The following DOCK10 variants were observed in gnomAD, a reference collection of about 807,000 sequenced individuals.
DOCK10 encodes the protein dedicator of cytokinesis 10.
DOCK10 carries 145 observed loss-of-function variants against 280.1 expected under a neutral mutation model. The observed-to-expected ratio is 0.52, with a 90% confidence interval of 0.45 to 0.59. DOCK10 has a LOEUF of 0.59. Among genes scored for constraint, DOCK10 ranks in the 20% least tolerant of loss-of-function variants. The probability of loss-of-function intolerance (pLI) is 0.00; values close to 1 mark genes in which losing one functional copy is unlikely to be tolerated. For synonymous variants in DOCK10, 915 were observed against 942.2 expected, an observed-to-expected ratio of 0.97 and a Z score of 0.53; for missense variants, 2,368 against 2,651.7, an observed-to-expected ratio of 0.89 and a Z score of 2.35.
At chr2:224,945,287 CT>C (rs945162389) in intron 1 of DOCK10, among the ~76,000 whole-genome samples, 2 of 152,132 alleles carry the variant, frequency 1.3e-5, no homozygotes, top group Non-Finnish European at 2.9e-5. Context: ...TGACAAGGCT[CT>C]TTTGGAGTCA....
rs1699288759 is a variant in DOCK10 at position 224,886,448 on chromosome 2, T to G, written c.489+11A>C. ...ATGTTTTAAACATCTCACTTTCAAC[T>G]ATTTACTTACTTCATCCTTATCAGC... On this transcript the variant is annotated intron_variant, in intron 5 of 55. Coordinates refer to ENST00000258390, the MANE Select transcript of DOCK10 (RefSeq NM_014689.3). 6.2e-7 allele frequency: 1 copy of G among 1,604,022 alleles called. No homozygotes were observed. Among genetic ancestry groups the G allele is most frequent in the Non-Finnish European group, 8.5e-7 (1 of 1,172,994 alleles).
chr2:224,877,482 T>G (rs1698707437), intron 7 of DOCK10, among the ~76,000 whole-genome samples: 1 of 118,434 alleles, frequency 8.4e-6, no homozygotes, highest in African/African-American at 3.5e-5. Context: ...GTTCCTATTC[T>G]ATTGGAATAG....
intron 4 of DOCK10, among the ~76,000 whole-genome samples, chr2:224,892,712 G>T (rs1559681466): frequency 6.6e-6 from 1 of 152,172 alleles, no homozygotes; most frequent in African/African-American, 2.4e-5. Context: ...CAGGAGGGAG[G>T]GCTGCGGGAG....
At chr2:225,019,168 A>G (rs1362956384) in intron 1 of DOCK10, among the ~76,000 whole-genome samples, 1 of 152,102 alleles carries the variant, frequency 6.6e-6, no homozygotes, top group Admixed American at 6.6e-5. Flanking sequence ...GTGGAGACCA[A>G]TCATCTAGCA....
intron 18 of DOCK10, among the ~76,000 whole-genome samples, chr2:224,850,637 C>T (rs193165054): frequency 3.5e-4 from 54 of 152,220 alleles, no homozygotes; most frequent in African/African-American, 1.1e-3. Flanking sequence ...TCTCCCCACC[C>T]GAATCTCATC....
In DOCK10 at chr2:224,786,869, AT is replaced by A. The variant is rs1403776978; in HGVS notation, c.5655+152del. ...TTTGTACATTCCTATGGATAAACAT[AT>A]AGACCATCACATCCAGAGAAACACT... On this transcript the variant is annotated intron_variant, in intron 50 of 55. Coordinates refer to ENST00000258390, the MANE Select transcript of DOCK10 (RefSeq NM_014689.3). This position sits in a 1 kb window ranked among gnomAD's most constrained non-coding sequence, Gnocchi z 4.7. Among the ~76,000 whole-genome samples, 1 of 152,200 alleles carries A rather than the reference AT, an allele frequency of 6.6e-6. No homozygotes were observed. The highest frequency in any genetic ancestry group is 6.5e-5 in the Admixed American group (1 of 15,284).
At chr2:224,852,285 C>T (rs1696796267) in intron 18 of DOCK10, 92 bp downstream of exon 18, 1 of 938,294 alleles carries the variant, frequency 1.1e-6, no homozygotes, top group African/African-American at 1.7e-5. Flanking sequence ...GCTCTTTCAA[C>T]CACACTCACA....
At chr2:225,035,730 A>G (rs1690242886) in intron 1 of DOCK10, among the ~76,000 whole-genome samples, 1 of 150,998 alleles carries the variant, frequency 6.6e-6, no homozygotes, top group African/African-American at 2.4e-5. Context: ...CTTTAACAAC[A>G]GACATTTATT....
chr2:224,956,891 C>T (rs1442063615), intron 1 of DOCK10, among the ~76,000 whole-genome samples: 1 of 152,216 alleles, frequency 6.6e-6, no homozygotes, highest in Admixed American at 6.5e-5. Context: ...AGCTGGATCA[C>T]ACCGCATGTT....
intron 2 of DOCK10, among the ~76,000 whole-genome samples, chr2:224,927,902 A>C (rs76636268): frequency 0.014 from 2,202 of 152,214 alleles, 49 homozygotes; most frequent in African/African-American, 0.05. Flanking sequence ...AACTGGATGA[A>C]AGACATTTAG....
intron 33 of DOCK10, 100 bp from the exon 34 acceptor site, chr2:224,806,337 T>A: frequency 1.6e-6 from 1 of 626,010 alleles, no homozygotes; most frequent in Non-Finnish European, 2.6e-6. Context: ...AAGTGATATT[T>A]AATTTGTTCT....
rs1038969278 is a variant in DOCK10 at position 224,804,919 on chromosome 2, A to C, written c.4119-78T>G. 3 of 1,275,122 alleles carry C rather than the reference A, an allele frequency of 2.4e-6. No individual in the cohort carries two copies. In the African/African-American group the frequency reaches 4.6e-5, roughly 20 times the overall value. 79.0% of individuals were successfully genotyped at this position (1,275,122 alleles called of 1,614,324 possible). On this transcript the variant is annotated intron_variant, in intron 37 of 55. Transcript: ENST00000258390. ...AAACTGTTCATCTAAGTATATTGAAAGAAAAATATTAAATTTTCTTTAAAT... is the reference window on the plus strand; with the variant it reads ...AAACTGTTCATCTAAGTATATTGAACGAAAAATATTAAATTTTCTTTAAAT...
At chr2:224,851,789 T>G (rs1280353019) in intron 18 of DOCK10, among the ~76,000 whole-genome samples, 1 of 152,210 alleles carries the variant, frequency 6.6e-6, no homozygotes, top group Non-Finnish European at 1.5e-5. Flanking sequence ...ATATCAAATA[T>G]GAACTCTAAA....
intron 24 of DOCK10, among the ~76,000 whole-genome samples, chr2:224,839,397 G>A (rs912775247): frequency 1.3e-5 from 2 of 151,896 alleles, no homozygotes; most frequent in East Asian, 1.9e-4. Context: ...GTGAGCCACC[G>A]GGCCCAGCCG....
At chr2:224,834,821 A>G (rs1454906618) in intron 25 of DOCK10, among the ~76,000 whole-genome samples, 3 of 152,194 alleles carry the variant, frequency 2.0e-5, no homozygotes, top group African/African-American at 7.2e-5. Flanking sequence ...TGGTTTTGGC[A>G]TGCACCACTG....
chr2:224,911,088 T>A lies in DOCK10; in HGVS notation c.333+5607A>T, dbSNP rs1199389597. Among the ~76,000 whole-genome samples, 3 of 152,170 alleles carry A rather than the reference T, an allele frequency of 2.0e-5. No homozygotes were observed. In the East Asian group the frequency reaches 5.8e-4, roughly 29 times the overall value. On this transcript the variant is annotated intron_variant, in intron 3 of 55. Coordinates refer to ENST00000258390, the MANE Select transcript of DOCK10 (RefSeq NM_014689.3). ...TGTCCTGAGCTTTGCAACATAAAAG[T>A]TTAGCATATATTTGGGATCTAGGGC...
At chr2:224,791,607 G>A (rs1347312509) in intron 47 of DOCK10, among the ~76,000 whole-genome samples, 1 of 151,492 alleles carries the variant, frequency 6.6e-6, no homozygotes, top group East Asian at 1.9e-4. Context: ...GGGATTTATA[G>A]GCACCTGCCA....
rs760100475 is a variant in DOCK10, at chr2:224,864,653, G to A, written c.1502C>T (p.Pro501Leu). 3 of 1,612,424 alleles carry A rather than the reference G, an allele frequency of 1.9e-6. No homozygotes were observed. Among genetic ancestry groups the A allele is most frequent in the Non-Finnish European group, 2.5e-6 (3 of 1,179,594 alleles). ...GGCCACCAAAACAATTTCAGAATGT[G>A]GATTGCTTACAGAAAATACAGCCTG... ...PKQAVFSVSN[P>L]HSEIVLVAKI... is the part of the protein sequence containing the mutation. Residue 501 changes from proline to leucine, a missense_variant, in exon 13 of 56, where the codon CCA (proline) becomes CTA (leucine). Coordinates refer to ENST00000258390, the MANE Select transcript of DOCK10 (RefSeq NM_014689.3).
rs1467595889 is a variant in DOCK10 at position 225,042,204 on chromosome 2, C to CG, written c.123+47dup. On this transcript the variant is annotated intron_variant, in intron 1 of 55. Coordinates refer to ENST00000258390, the MANE Select transcript of DOCK10 (RefSeq NM_014689.3). This position sits in a 1 kb window ranked among gnomAD's most constrained non-coding sequence, Gnocchi z 5.1. ...TGGGGAAGCTGGGCTCCGTTCCCCC[C>CG]GGGCGCCTGGGGCGCGCGGGAAGGC... 6.2e-5 allele frequency: 76 copies of CG among 1,230,650 alleles called. No individual in the cohort carries two copies. Among genetic ancestry groups the CG allele is most frequent in the Admixed American group, 8.6e-5 (2 of 23,150 alleles). The allele number at this position is 1,230,650 out of a possible 1,614,324, so 76.2% of individuals were successfully genotyped here.
Sources: allele counts gnomAD v4.1 joint callset (sites outside exome capture counted in the v4.1 genomes callset), GRCh38; gene constraint gnomAD v4.1.1; non-coding constraint Gnocchi (gnomAD v3.1); transcripts MANE v1.5; gene names NCBI Gene and HGNC (gene_info 2026-07-23, HGNC 2026-07-21).